Variants in KLF7 observed in about 807,000 individuals in gnomAD.
KLF7 encodes the protein Krueppel-like factor 7.
Under a neutral mutation model 27.3 loss-of-function variants are expected in KLF7, and 2 were observed. That is an observed-to-expected ratio of 0.07 (90% CI 0.03 to 0.23). The LOEUF is 0.23. Among genes scored for constraint, KLF7 ranks in the 10% least tolerant of loss-of-function variants. The pLI is 1.00. For missense variants in KLF7, 221 were observed against 394.1 expected, an observed-to-expected ratio of 0.56 and a Z score of 3.72; for synonymous variants, 165 against 162.4, an observed-to-expected ratio of 1.02 and a Z score of -0.12.
chr2:207,167,331 A>G (rs991606723), upstream of KLF7: 2 of 390,344 alleles, frequency 5.1e-6, no homozygotes, highest in Non-Finnish European at 8.8e-6. Context: ...AAGCTTCCCC[A>G]AAATGCGCTG....
At chr2:207,151,604 C>T (rs2078249643) in intron 1 of KLF7, among the ~76,000 whole-genome samples, 1 of 152,066 alleles carries the variant, frequency 6.6e-6, no homozygotes, top group South Asian at 2.1e-4. Flanking sequence ...ATTCTATGAC[C>T]ACATAATGTC....
intron 1 of KLF7, among the ~76,000 whole-genome samples, chr2:207,151,949 G>A (rs2078258954): frequency 6.6e-6 from 1 of 151,982 alleles, no homozygotes; most frequent in Non-Finnish European, 1.5e-5. Context: ...ATGTAAGAAA[G>A]CCAATATAAA....
chr2:207,168,737 T>C (rs930929867), upstream of KLF7, among the ~76,000 whole-genome samples: 5 of 152,236 alleles, frequency 3.3e-5, no homozygotes, highest in African/African-American at 1.2e-4. Flanking sequence ...TTTAGATTCA[T>C]TTTAAGAGAT....
intron 2 of KLF7, among the ~76,000 whole-genome samples, chr2:207,114,033 C>T (rs2077110606): frequency 6.6e-6 from 1 of 152,082 alleles, no homozygotes. Flanking sequence ...TTTAAGTAGC[C>T]TATGATACCT....
At chr2:207,091,932 T>C (rs1321778322) in intron 2 of KLF7, among the ~76,000 whole-genome samples, 1 of 152,166 alleles carries the variant, frequency 6.6e-6, no homozygotes, top group Non-Finnish European at 1.5e-5. Context: ...AGATTTCTGC[T>C]CATTTCATCA....
At chr2:207,169,542 G>A (rs1250266317), upstream of KLF7, among the ~76,000 whole-genome samples, 4 of 152,238 alleles carry the variant, frequency 2.6e-5, no homozygotes, top group East Asian at 5.8e-4. Context: ...CATTCATTCT[G>A]TCCTATATGG....
intron 2 of KLF7, among the ~76,000 whole-genome samples, chr2:207,109,784 A>G (rs2076978229): frequency 1.3e-5 from 2 of 152,174 alleles, no homozygotes; most frequent in South Asian, 2.1e-4. Flanking sequence ...CAGGCCATCA[A>G]GATAATATTA....
At chr2:207,119,991 G>A (rs2077294556) in intron 2 of KLF7, among the ~76,000 whole-genome samples, 1 of 152,120 alleles carries the variant, frequency 6.6e-6, no homozygotes, top group African/African-American at 2.4e-5. Context: ...ACCGCACCTG[G>A]CCCTTATGTC....
Position 207,079,816 on chromosome 2 carries a change from C to A in KLF7, c.*1397G>T, listed in dbSNP as rs1392578296. On this transcript the variant is annotated 3_prime_UTR_variant, in exon 4 of 4. Transcript: ENST00000309446. Reference sequence around the variant, plus strand: ...ACAGCCCATGAGAGAAACACCTCAACCTTTTCCTTAAATGTCAACCCTTCA... The same window carrying A: ...ACAGCCCATGAGAGAAACACCTCAAACTTTTCCTTAAATGTCAACCCTTCA... The A allele has an allele frequency of 6.6e-6, 1 of 152,128 alleles. No homozygotes were observed. Among genetic ancestry groups the A allele is most frequent in the Admixed American group, 6.5e-5 (1 of 15,270 alleles). The allele number at this position is 152,128 out of a possible 1,614,324, so 9.4% of individuals were successfully genotyped here. A position where few individuals can be genotyped will look rare whatever the true frequency, so the allele number is the denominator to read the frequency against.
At chr2:207,138,941 G>C (rs2077863464) in intron 1 of KLF7, among the ~76,000 whole-genome samples, 1 of 152,214 alleles carries the variant, frequency 6.6e-6, no homozygotes, top group Non-Finnish European at 1.5e-5. Context: ...AATAACTTGA[G>C]TTCTTCCTTG....
At chr2:207,165,425 G>A (rs2078679138) in intron 1 of KLF7, 42 bp downstream of exon 1, 2 of 1,613,140 alleles carry the variant, frequency 1.2e-6, no homozygotes, top group Non-Finnish European at 1.7e-6. Flanking sequence ...CTGCGTCTCC[G>A]CCGCCACCAC....
chr2:207,137,293 T>C (rs530007783), intron 1 of KLF7, among the ~76,000 whole-genome samples: 2 of 152,310 alleles, frequency 1.3e-5, no homozygotes, highest in Non-Finnish European at 2.9e-5. Context: ...AGTCCTTACA[T>C]GAAAGGTCCT....
chr2:207,100,136 C>CAAA (rs1187871551), intron 2 of KLF7, among the ~76,000 whole-genome samples: 2 of 99,990 alleles, frequency 2.0e-5, no homozygotes, highest in African/African-American at 8.9e-5. Flanking sequence ...GACCATGTCT[C>CAAA]AAAAAAAAGA....
chr2:207,157,023 G>C (rs2078401456), intron 1 of KLF7, among the ~76,000 whole-genome samples: 1 of 152,088 alleles, frequency 6.6e-6, no homozygotes, highest in African/African-American at 2.4e-5. Flanking sequence ...AGCCACGATT[G>C]AGAACCACTG....
At chr2:207,149,816 G>T (rs1481003673) in intron 1 of KLF7, among the ~76,000 whole-genome samples, 4 of 152,182 alleles carry the variant, frequency 2.6e-5, no homozygotes, top group African/African-American at 9.7e-5. Flanking sequence ...TCCTGGGCTA[G>T]GACAAGAGTC....
chr2:207,134,651 G>C (rs1011812000), intron 1 of KLF7, among the ~76,000 whole-genome samples: 1 of 152,112 alleles, frequency 6.6e-6, no homozygotes. Flanking sequence ...GTGGCTGTGT[G>C]GGTGTGCCAA....
chr2:207,143,257 CAAT>C (rs1329020290), intron 1 of KLF7, among the ~76,000 whole-genome samples: 3 of 152,018 alleles, frequency 2.0e-5, no homozygotes, highest in Admixed American at 6.5e-5. Flanking sequence ...AAAAGATCAA[CAAT>C]GAGTTAGGAA....
intron 3 of KLF7, among the ~76,000 whole-genome samples, chr2:207,082,058 C>A (rs891132109): frequency 3.3e-5 from 5 of 152,116 alleles, no homozygotes; most frequent in Non-Finnish European, 5.9e-5. Flanking sequence ...TTTCTTGGAA[C>A]CTAAGGCCCA....
rs565450161 is a variant in KLF7 at position 207,074,324 on chromosome 2, A to G, written c.*6889T>C. 9.2e-5 allele frequency: 14 copies of G among 152,320 alleles called. No homozygotes were observed. Among genetic ancestry groups the G allele is most frequent in the African/African-American group, 3.1e-4 (13 of 41,542 alleles). 9.4% of individuals were successfully genotyped at this position (152,320 alleles called of 1,614,324 possible). On this transcript the variant is annotated 3_prime_UTR_variant, in exon 4 of 4. Transcript: ENST00000309446. ...TGAATGACACCACTTCTCTCGGGGA[A>G]TCGCTGAGCTCGGGATGCTGAGGCG...
Sources: allele counts gnomAD v4.1 joint callset (sites outside exome capture counted in the v4.1 genomes callset), GRCh38; gene constraint gnomAD v4.1.1; transcripts MANE v1.5; gene names NCBI Gene and HGNC (gene_info 2026-07-23, HGNC 2026-07-21).